Variants in SETBP1 observed in about 807,000 individuals in gnomAD.
The protein encoded by SETBP1 is SET-binding protein.
SETBP1 carries 9 observed loss-of-function variants against 101.0 expected under a neutral mutation model. The observed-to-expected ratio is 0.09, with a 90% confidence interval of 0.05 to 0.16. The LOEUF is 0.16. Ranked by LOEUF, SETBP1 falls within the 10% of genes least tolerant of loss-of-function variation. The pLI, the probability that SETBP1 is intolerant of heterozygous loss-of-function variation, is 1.00. For missense variants in SETBP1, 1,858 were observed against 2,033.8 expected (o/e 0.91, Z 1.66); for synonymous variants, 818 against 788.5 (o/e 1.04, Z -0.63).
chr18:44,905,489 A>G (rs2070153277), intron 3 of SETBP1, among the ~76,000 whole-genome samples: 1 of 152,182 alleles, frequency 6.6e-6, no homozygotes, highest in Admixed American at 6.5e-5. Flanking sequence ...CTATGTCTGG[A>G]TGGAATTAAT....
chr18:44,880,286 G>A (rs1365631910), intron 3 of SETBP1, among the ~76,000 whole-genome samples: 4 of 152,198 alleles, frequency 2.6e-5, no homozygotes, highest in East Asian at 3.8e-4. Flanking sequence ...GCAGAAAAGA[G>A]CCATCCAGGC....
At chr18:44,725,798 C>T (rs2069692647) in intron 2 of SETBP1, among the ~76,000 whole-genome samples, 2 of 152,252 alleles carry the variant, frequency 1.3e-5, no homozygotes, top group Middle Eastern at 6.8e-3. Context: ...TTATTTTCAT[C>T]AACATACCTC....
intron 4 of SETBP1, among the ~76,000 whole-genome samples, chr18:44,996,187 G>A (rs1389837932): frequency 6.6e-6 from 1 of 152,076 alleles, no homozygotes; most frequent in African/African-American, 2.4e-5. Context: ...TACTTATGAG[G>A]CTGCAGAGAA....
At chr18:44,800,453 C>G (rs912185509) in intron 2 of SETBP1, among the ~76,000 whole-genome samples, 1 of 152,148 alleles carries the variant, frequency 6.6e-6, no homozygotes, top group Non-Finnish European at 1.5e-5. Flanking sequence ...GGTGGCCTTC[C>G]GAGCACGGAT....
At chr18:44,755,464 C>T (rs1440136902) in intron 2 of SETBP1, among the ~76,000 whole-genome samples, 4 of 151,910 alleles carry the variant, frequency 2.6e-5, no homozygotes, top group Non-Finnish European at 5.9e-5. Context: ...TGTTTTCTCT[C>T]TTCGCAGTGG....
intron 2 of SETBP1, among the ~76,000 whole-genome samples, chr18:44,792,076 C>G (rs1191789138): frequency 6.6e-6 from 1 of 152,048 alleles, no homozygotes; most frequent in African/African-American, 2.4e-5. Flanking sequence ...TGCTTTTGGG[C>G]TTTGGGTGAG....
chr18:44,727,375 G>T (rs1346287456), intron 2 of SETBP1, among the ~76,000 whole-genome samples: 1 of 152,188 alleles, frequency 6.6e-6, no homozygotes. Flanking sequence ...TTAAGGATTT[G>T]TTGCTGAATG....
At chr18:44,933,603 T>C (rs189881143) in intron 3 of SETBP1, among the ~76,000 whole-genome samples, 25 of 152,320 alleles carry the variant, frequency 1.6e-4, no homozygotes, top group African/African-American at 5.5e-4. Flanking sequence ...CTCCACCCAG[T>C]TCGAGCTTCC....
intron 4 of SETBP1, among the ~76,000 whole-genome samples, chr18:44,998,623 G>A (rs2072550716): frequency 6.6e-6 from 1 of 152,192 alleles, no homozygotes; most frequent in Non-Finnish European, 1.5e-5. Context: ...ATTGGAAGAT[G>A]CAGTAGAAAT....
At chr18:44,898,001 A>T (rs534520539) in intron 3 of SETBP1, among the ~76,000 whole-genome samples, 1 of 152,190 alleles carries the variant, frequency 6.6e-6, no homozygotes, top group East Asian at 1.9e-4. Flanking sequence ...TGTCCTAAAA[A>T]GGTAGGTGTG....
intron 3 of SETBP1, among the ~76,000 whole-genome samples, chr18:44,899,907 T>G (rs1456500746): frequency 6.6e-6 from 1 of 152,180 alleles, no homozygotes; most frequent in Admixed American, 6.6e-5. Flanking sequence ...TTGGCCAACT[T>G]TTTCTATAAT....
intron 3 of SETBP1, among the ~76,000 whole-genome samples, chr18:44,898,125 G>A (rs2069952177): frequency 6.6e-6 from 1 of 152,110 alleles, no homozygotes; most frequent in African/African-American, 2.4e-5. Context: ...AGAGATGCCT[G>A]TTTCATTGTT....
intron 4 of SETBP1, among the ~76,000 whole-genome samples, chr18:44,993,342 G>A (rs1249599163): frequency 6.6e-6 from 1 of 151,748 alleles, no homozygotes. Context: ...AAAAATAAAA[G>A]GTTTGGAAAA....
At chr18:44,876,660 C>T (rs973909880) in intron 3 of SETBP1, 3 of 1,551,148 alleles carry the variant, frequency 1.9e-6, no homozygotes, top group Non-Finnish European at 2.6e-6. Context: ...GTGCCATGTG[C>T]TTCTCATGCC....
At chr18:44,825,408 T>A (rs1400501796) in intron 2 of SETBP1, among the ~76,000 whole-genome samples, 1 of 152,220 alleles carries the variant, frequency 6.6e-6, no homozygotes, top group Non-Finnish European at 1.5e-5. Flanking sequence ...TCTATCAGAA[T>A]ATTTTTTCAT....
intron 4 of SETBP1, among the ~76,000 whole-genome samples, chr18:44,980,252 A>G (rs1358323630): frequency 6.6e-6 from 1 of 152,224 alleles, no homozygotes; most frequent in Admixed American, 6.5e-5. Context: ...TGCTGAAATA[A>G]GACTAGAAAT....
chr18:44,909,278 C>T (rs565862530), intron 3 of SETBP1, among the ~76,000 whole-genome samples: 98 of 152,262 alleles, frequency 6.4e-4, no homozygotes, highest in Non-Finnish European at 1.3e-3. Context: ...AGGGCAAGGC[C>T]GAGGAGAAAA....
intron 2 of SETBP1, among the ~76,000 whole-genome samples, chr18:44,774,054 T>C (rs1018000684): frequency 1.3e-5 from 2 of 152,174 alleles, no homozygotes; most frequent in African/African-American, 4.8e-5. Flanking sequence ...TGGTAGATTA[T>C]AGTTATTGAG....
chr18:44,835,255 C>G (rs1477823225), intron 2 of SETBP1, among the ~76,000 whole-genome samples: 1 of 152,114 alleles, frequency 6.6e-6, no homozygotes, highest in African/African-American at 2.4e-5. Flanking sequence ...GGCTCTACAG[C>G]TCTTGCATCT....
Sources: allele counts gnomAD v4.1 joint callset (sites outside exome capture counted in the v4.1 genomes callset), GRCh38; gene constraint gnomAD v4.1.1; transcripts MANE v1.5; gene names NCBI Gene and HGNC (gene_info 2026-07-23, HGNC 2026-07-21).